Variants in CAST observed in about 807,000 individuals in gnomAD.
CAST encodes the protein MIR583 host.
Under a neutral mutation model 119.6 loss-of-function variants are expected in CAST, and 76 were observed. The ratio of observed to expected loss-of-function variants is 0.64; its 90% CI spans 0.53 to 0.77. The LOEUF (loss-of-function observed/expected upper bound fraction) is 0.77, where lower values mean the gene tolerates loss of function less well. CAST is among the 30% of genes least tolerant of loss of function. The pLI is 0.00. For synonymous variants in CAST, 319 were observed against 331.6 expected (o/e 0.96, Z 0.41); for missense variants, 953 against 946.5 (o/e 1.01, Z -0.09).
In CAST at chr5:96,762,257, A is replaced by G. The variant is rs748492267; in HGVS notation, c.1834-17A>G. 1 of 1,575,410 alleles carries G rather than the reference A, an allele frequency of 6.3e-7. No individual in the cohort carries two copies. Among genetic ancestry groups the G allele is most frequent in the South Asian group, 1.1e-5 (1 of 87,202 alleles). On this transcript the variant is annotated splice_polypyrimidine_tract_variant and intron_variant, in intron 24 of 31. Coordinates refer to ENST00000675179, the MANE Select transcript of CAST (RefSeq NM_001750.7). Reference sequence around the variant, plus strand: ...TTATATACAACATGTTACTAATAAAATTTTTTTCAATAAAAGAAATTTGAA... The same window carrying G: ...TTATATACAACATGTTACTAATAAAGTTTTTTTCAATAAAAGAAATTTGAA...
At chr5:96,640,504 T>C (rs1247431333) in intron 1 of CAST, among the ~76,000 whole-genome samples, 1 of 152,234 alleles carries the variant, frequency 6.6e-6, no homozygotes, top group Non-Finnish European at 1.5e-5. Context: ...CAGGCCTTGT[T>C]CTTCAGCATG....
chr5:96,163,469 T>A, the CAST span, among the ~76,000 whole-genome samples: 1 of 152,234 alleles, frequency 6.6e-6, no homozygotes, highest in African/African-American at 2.4e-5. Context: ...ATAATAAATA[T>A]CTTTGTTTGT....
the CAST span, among the ~76,000 whole-genome samples, chr5:96,302,311 C>G: frequency 6.6e-6 from 1 of 152,134 alleles, no homozygotes; most frequent in African/African-American, 2.4e-5. Context: ...TCCTAGACTT[C>G]CAGGTCTATA....
chr5:96,759,240 G>A (rs556797759), intron 24 of CAST, among the ~76,000 whole-genome samples: 1 of 152,274 alleles, frequency 6.6e-6, no homozygotes, highest in East Asian at 1.9e-4. Context: ...TGGGGGAGAA[G>A]TATCACATAT....
chr5:96,107,859 A>G, the CAST span, among the ~76,000 whole-genome samples: 4 of 152,198 alleles, frequency 2.6e-5, no homozygotes, highest in African/African-American at 9.7e-5. Flanking sequence ...TTTCAGGTAC[A>G]CCAATCAGAC....
At chr5:96,144,664 C>A in the CAST span, among the ~76,000 whole-genome samples, 2 of 147,754 alleles carry the variant, frequency 1.4e-5, no homozygotes, top group African/African-American at 4.9e-5. Context: ...AACACATACC[C>A]AGACACCATT....
At chr5:96,763,823 T>G (rs1768846249) in intron 25 of CAST, among the ~76,000 whole-genome samples, 1 of 152,182 alleles carries the variant, frequency 6.6e-6, no homozygotes, top group Non-Finnish European at 1.5e-5. Flanking sequence ...ACAGGAAAAC[T>G]GCTTCAAAGA....
chr5:96,335,388 A>T, the CAST span, among the ~76,000 whole-genome samples: 1 of 152,134 alleles, frequency 6.6e-6, no homozygotes, highest in African/African-American at 2.4e-5. Context: ...GCATTTGGCC[A>T]TGTTGCTTGT....
the CAST span, chr5:96,213,608 A>G: frequency 6.6e-6 from 1 of 152,086 alleles, no homozygotes; most frequent in African/African-American, 2.4e-5. Context: ...ATGTAGTGAG[A>G]TCCTGTATGT....
At chr5:96,086,767 G>A in the CAST span, among the ~76,000 whole-genome samples, 1 of 152,118 alleles carries the variant, frequency 6.6e-6, no homozygotes, top group Non-Finnish European at 1.5e-5. Context: ...GAATTAGTTA[G>A]TTGACTTTTG....
At chr5:96,038,745 C>T in the CAST span, among the ~76,000 whole-genome samples, 1 of 152,088 alleles carries the variant, frequency 6.6e-6, no homozygotes, top group East Asian at 1.9e-4. Flanking sequence ...TGTATATGTG[C>T]CACATTTTCT....
intron 1 of CAST, among the ~76,000 whole-genome samples, chr5:96,655,098 T>C (rs1748140884): frequency 6.6e-6 from 1 of 152,220 alleles, no homozygotes; most frequent in Non-Finnish European, 1.5e-5. Context: ...TTTTTCTGTG[T>C]CAATAAATAT....
chr5:96,103,102 T>C, the CAST span, among the ~76,000 whole-genome samples: 1 of 152,170 alleles, frequency 6.6e-6, no homozygotes, highest in East Asian at 1.9e-4. Flanking sequence ...TCAATAGTTG[T>C]TTTTTAATAA....
the CAST span, among the ~76,000 whole-genome samples, chr5:95,997,621 A>T: frequency 6.6e-6 from 1 of 152,148 alleles, no homozygotes; most frequent in African/African-American, 2.4e-5. Context: ...AGATGTGTCT[A>T]CCCACTGATC....
chr5:96,381,805 G>A, the CAST span, among the ~76,000 whole-genome samples: 1 of 152,164 alleles, frequency 6.6e-6, no homozygotes, highest in East Asian at 1.9e-4. Flanking sequence ...CATATGGCTT[G>A]TTTCTTTGTC....
the CAST span, among the ~76,000 whole-genome samples, chr5:96,363,896 T>C: frequency 6.6e-6 from 1 of 152,194 alleles, no homozygotes; most frequent in Admixed American, 6.5e-5. Context: ...AGAGAGGGCA[T>C]CCCTGTCTTT....
At chr5:96,304,241 C>T in the CAST span, among the ~76,000 whole-genome samples, 23 of 152,198 alleles carry the variant, frequency 1.5e-4, no homozygotes, top group South Asian at 4.8e-3. Flanking sequence ...GCCACATAAA[C>T]GTCTTCTTTT....
At chr5:96,652,951 T>G (rs1005732066) in intron 1 of CAST, among the ~76,000 whole-genome samples, 3 of 152,226 alleles carry the variant, frequency 2.0e-5, no homozygotes, top group African/African-American at 4.8e-5. Context: ...CTTACCCACC[T>G]GCTGTGAGGA....
chr5:96,575,106 C>T (rs1007171754), intron 1 of CAST, among the ~76,000 whole-genome samples: 1 of 152,032 alleles, frequency 6.6e-6, no homozygotes, highest in African/African-American at 2.4e-5. Context: ...TTATAATTTT[C>T]AAGATATAGA....
Sources: allele counts gnomAD v4.1 joint callset (sites outside exome capture counted in the v4.1 genomes callset), GRCh38; gene constraint gnomAD v4.1.1; transcripts MANE v1.5; gene names NCBI Gene and HGNC (gene_info 2026-07-23, HGNC 2026-07-21).